The following RIBC2 variants were observed in gnomAD, a reference collection of about 807,000 sequenced individuals.
RIBC2 encodes the protein RIB43A domain with coiled-coils 2.
In RIBC2, 40 loss-of-function variants were observed where a neutral mutation model predicts 44.3. That is an observed-to-expected ratio of 0.90 (90% CI 0.70 to 1.18). The LOEUF (loss-of-function observed/expected upper bound fraction) is 1.18, where lower values mean the gene tolerates loss of function less well. Ranked by LOEUF, RIBC2 falls within the 50% of genes most tolerant of loss-of-function variation. The pLI, the probability that RIBC2 is intolerant of heterozygous loss-of-function variation, is 0.00. For synonymous variants in RIBC2, 171 were observed against 175.0 expected, an observed-to-expected ratio of 0.98 and a Z score of 0.18; for missense variants, 459 against 485.5, an observed-to-expected ratio of 0.95 and a Z score of 0.51.
chr22:45,417,726 C>T lies in RIBC2; in HGVS notation c.336C>T (p.Arg112=). The change falls in exon 3 of 7, where the codon CGC becomes CGT. Residue 112 remains arginine, a synonymous_variant. Coordinates refer to ENST00000614167, the MANE Select transcript of RIBC2 (RefSeq NM_015653.5). ...FQQSFQKPET[R]REFDLSDPLA... ...AGAGCTTTCAGAAGCCAGAAACTCG[C>T]CGTGAATTTGATCTGTCCGACCCCC... is the stretch of plus-strand genomic sequence containing the variant. 1 of 1,614,100 alleles carries T rather than the reference C, an allele frequency of 6.2e-7. No homozygotes were observed. Among genetic ancestry groups the T allele is most frequent in the Non-Finnish European group, 8.5e-7 (1 of 1,180,014 alleles).
intron 5 of RIBC2, among the ~76,000 whole-genome samples, chr22:45,427,992 C>A (rs570915020): frequency 1.3e-5 from 2 of 152,218 alleles, no homozygotes; most frequent in Non-Finnish European, 2.9e-5. Context: ...CCAGCACCCC[C>A]CTTCTCACCA....
intron 6 of RIBC2, among the ~76,000 whole-genome samples, chr22:45,431,816 G>T (rs190972823): frequency 1.5e-4 from 23 of 152,160 alleles, no homozygotes; most frequent in Middle Eastern, 3.4e-3. Context: ...AAACTAAAAA[G>T]ACAAAAATTA....
At chr22:45,429,926 G>A (rs757663006) in intron 5 of RIBC2, among the ~76,000 whole-genome samples, 5 of 152,312 alleles carry the variant, frequency 3.3e-5, no homozygotes, top group East Asian at 1.9e-4. Flanking sequence ...TATGCTTGGA[G>A]GTAACTGGGA....
intron 5 of RIBC2, among the ~76,000 whole-genome samples, chr22:45,427,370 G>T (rs1490346399): frequency 6.6e-6 from 1 of 152,188 alleles, no homozygotes; most frequent in Non-Finnish European, 1.5e-5. Context: ...AACACTCTAA[G>T]GAGATTTCCA....
chr22:45,428,182 G>A (rs2087550203), intron 5 of RIBC2, among the ~76,000 whole-genome samples: 1 of 152,230 alleles, frequency 6.6e-6, no homozygotes, highest in African/African-American at 2.4e-5. Context: ...CACCATGGCA[G>A]TCACCAGGGA....
chr22:45,430,206 T>A lies in RIBC2; in HGVS notation c.904-694T>A, dbSNP rs892228617. Among the ~76,000 whole-genome samples the A allele has an allele frequency of 2.0e-5, 3 of 152,298 alleles. No homozygotes were observed. The East Asian group carries it at 5.8e-4, about 29-fold the overall frequency. On this transcript the variant is annotated intron_variant, in intron 5 of 6. Coordinates refer to ENST00000614167, the MANE Select transcript of RIBC2 (RefSeq NM_015653.5). ...ACTCACCGGACACATCCTTGCTTAT[T>A]TGGCGGGAGGAGGCTCTGCCCTAAA...
At position 45,431,051 on chromosome 22, in the gene RIBC2, A is replaced by T; in HGVS notation, c.1055A>T (p.Lys352Met). The change falls in exon 6 of 7, where the codon AAG (lysine) becomes ATG (methionine). Residue 352 changes from lysine (K) to methionine (M), a missense_variant. By Grantham distance (95) the Lys-to-Met change is moderately conservative. Transcript: ENST00000614167. ...GACAGCAGCAACCTCAGCCTGGCCA[A>T]GGAGCAGCATTTGCAGTGAGTGCTG... ...ALDSSNLSLAKEQHLQKKYMN... is the reference protein window; with the variant it reads ...ALDSSNLSLAMEQHLQKKYMN... 1 of 1,576,652 alleles carries T rather than the reference A, an allele frequency of 6.3e-7. No homozygotes were observed. Among genetic ancestry groups the T allele is most frequent in the Non-Finnish European group, 8.6e-7 (1 of 1,161,210 alleles).
At chr22:45,421,403 C>T (rs1259022324) in intron 3 of RIBC2, among the ~76,000 whole-genome samples, 1 of 144,382 alleles carries the variant, frequency 6.9e-6, no homozygotes, top group Non-Finnish European at 1.5e-5. Context: ...CAGGTTTATA[C>T]CTCCAGCCTG....
intron 5 of RIBC2, among the ~76,000 whole-genome samples, chr22:45,427,948 T>A (rs966119831): frequency 2.6e-5 from 4 of 152,218 alleles, no homozygotes; most frequent in African/African-American, 9.6e-5. Context: ...CAGAGAGTAT[T>A]TAAAGCTGAG....
At chr22:45,419,031 A>AT (rs2087452685) in intron 3 of RIBC2, among the ~76,000 whole-genome samples, 2 of 152,052 alleles carry the variant, frequency 1.3e-5, no homozygotes, top group African/African-American at 4.8e-5. Context: ...CTCCCTTCCC[A>AT]TCCAGGTCCT....
At position 45,432,329 on chromosome 22, in the gene RIBC2, C is replaced by G. The variant is rs2087588478; in HGVS notation, c.1116C>G (p.Asp372Glu). The G allele has an allele frequency of 6.2e-7, 1 of 1,600,834 alleles. No individual in the cohort carries two copies. Among genetic ancestry groups the G allele is most frequent in the Non-Finnish European group, 8.5e-7 (1 of 1,169,628 alleles). The change falls in exon 7 of 7, where the codon GAC (aspartate) becomes GAG (glutamate). Residue 372 changes from aspartate to glutamate, a missense_variant. Asp to Glu is a conservative substitution (Grantham distance 45). Transcript: ENST00000614167. Reference protein sequence around the residue: ...NEVYTNQPTGDYFTQFNTGSR With the variant: ...NEVYTNQPTGEYFTQFNTGSR ...TCTATACAAATCAACCCACGGGAGA[C>G]TATTTCACACAATTTAATACAGGAA... is the stretch of plus-strand genomic sequence containing the variant.
At chr22:45,419,462 A>G (rs1378393136) in intron 3 of RIBC2, among the ~76,000 whole-genome samples, 1 of 152,050 alleles carries the variant, frequency 6.6e-6, no homozygotes, top group African/African-American at 2.4e-5. Flanking sequence ...GGCTGGGCGC[A>G]GTGGCTCATG....
At chr22:45,414,712 G>A (rs2087402879) in intron 2 of RIBC2, among the ~76,000 whole-genome samples, 1 of 151,966 alleles carries the variant, frequency 6.6e-6, no homozygotes, top group African/African-American at 2.4e-5. Flanking sequence ...AATTTCTTGT[G>A]CCCAGTTAAC....
rs563626100 is a variant in RIBC2, at chr22:45,423,360, G to A, written c.675+952G>A. On this transcript the variant is annotated intron_variant, in intron 4 of 6. Coordinates refer to ENST00000614167, the MANE Select transcript of RIBC2 (RefSeq NM_015653.5). ...TCGAATGCAATTCTGTTTTCTGGTG[G>A]GTGGGGACTTTGCCTGGGTTCATTG... is the stretch of plus-strand genomic sequence containing the variant. 8.5e-5 allele frequency among the ~76,000 whole-genome samples: 13 copies of A among 152,070 alleles called. No homozygotes were observed. The East Asian group carries it at 2.5e-3, about 29-fold the overall frequency.
At chr22:45,424,422 G>C (rs941726936) in intron 4 of RIBC2, among the ~76,000 whole-genome samples, 2 of 152,232 alleles carry the variant, frequency 1.3e-5, no homozygotes, top group African/African-American at 4.8e-5. Flanking sequence ...TGCAGCCTTG[G>C]GCAGGCCACC....
chr22:45,422,599 C>T (rs995233185), intron 4 of RIBC2, 191 bp downstream of exon 4: 30 of 595,260 alleles, frequency 5.0e-5, no homozygotes, highest in Non-Finnish European at 7.5e-5. Flanking sequence ...TGTGCCTTAG[C>T]TCTGAATCTT....
In RIBC2 at chr22:45,432,230, GA is replaced by G. The variant is rs59859287; in HGVS notation, c.1071-52del. ...CCTTTTCAAAAAAAAAAAAAAGAAA[GA>G]ATAGGAAGTATACACATTTGCTGAC... On this transcript the variant is annotated intron_variant, in intron 6 of 6. Coordinates refer to ENST00000614167, the MANE Select transcript of RIBC2 (RefSeq NM_015653.5). The G allele has an allele frequency of 2.8e-4, 251 of 904,162 alleles. No homozygotes were observed. In the East Asian group the frequency reaches 6.4e-3, roughly 23 times the overall value. The allele number at this position is 904,162 out of a possible 1,614,324, so 56.0% of individuals were successfully genotyped here. A position where few individuals can be genotyped will look rare whatever the true frequency, so the allele number is the denominator to read the frequency against.
At chr22:45,416,682 T>G (rs7289955) in intron 2 of RIBC2, among the ~76,000 whole-genome samples, 71,609 of 151,848 alleles carry the variant, frequency 0.47, 19,394 homozygotes, top group African/African-American at 0.75. Context: ...GGATAAGCTC[T>G]ATCTCTTGAC....
intron 2 of RIBC2, among the ~76,000 whole-genome samples, chr22:45,417,290 A>C (rs944920280): frequency 1.4e-4 from 22 of 151,870 alleles, no homozygotes; most frequent in Non-Finnish European, 3.1e-4. Flanking sequence ...ATTGATTTGT[A>C]GGTACTCTTT....
Sources: gnomAD v4.1 joint callset for allele counts (sites outside exome capture counted in the v4.1 genomes callset) on GRCh38, gnomAD v4.1.1 for gene constraint, MANE v1.5 for transcripts, NCBI Gene and HGNC (gene_info 2026-07-23, HGNC 2026-07-21) for gene names.